The following DMD variants were observed in gnomAD, a reference collection of about 807,000 sequenced individuals.
The protein encoded by DMD is mutant dystrophin.
In DMD, 63 loss-of-function variants were observed where a neutral mutation model predicts 330.1. That is an observed-to-expected ratio of 0.19 (90% CI 0.16 to 0.24). The LOEUF is 0.24. Ranked by LOEUF, DMD falls within the 10% of genes least tolerant of loss-of-function variation. The probability of loss-of-function intolerance (pLI) is 1.00; values close to 1 mark genes in which losing one functional copy is unlikely to be tolerated. For synonymous variants in DMD, 1,223 were observed against 959.8 expected (o/e 1.27, Z -5.07); for missense variants, 3,344 against 2,684.1 (o/e 1.25, Z -5.43).
At chrX:32,049,177 T>C (rs1349692524) in intron 44 of DMD, among the ~76,000 whole-genome samples, 2 of 111,271 alleles carry the variant, frequency 1.8e-5, no homozygotes, top group Non-Finnish European at 3.8e-5. Context: ...CAAGGTCTAA[T>C]TGAGATTTGA....
chrX:31,417,309 T>C (rs2061923001), intron 60 of DMD, among the ~76,000 whole-genome samples: 1 of 111,230 alleles, frequency 9.0e-6, no homozygotes, highest in Non-Finnish European at 1.9e-5. Flanking sequence ...TCTTTTTTTT[T>C]TGAGACGGAG....
intron 44 of DMD, among the ~76,000 whole-genome samples, chrX:32,028,782 C>A (rs2095864063): frequency 9.0e-6 from 1 of 110,885 alleles, no homozygotes; most frequent in African/African-American, 3.3e-5. Context: ...AATGCGGCAT[C>A]ATAAGCAAGT....
intron 7 of DMD, among the ~76,000 whole-genome samples, chrX:32,754,116 T>C (rs2071177488): frequency 8.9e-6 from 1 of 111,888 alleles, no homozygotes; most frequent in Non-Finnish European, 1.9e-5. Context: ...CTAATTATAA[T>C]AAAACAATAT....
At chrX:31,237,789 G>A (rs1312582665) in intron 63 of DMD, among the ~76,000 whole-genome samples, 1 of 110,975 alleles carries the variant, frequency 9.0e-6, no homozygotes, top group African/African-American at 3.3e-5. Context: ...GCATGATCTC[G>A]GCTCACTGCA....
intron 45 of DMD, among the ~76,000 whole-genome samples, chrX:31,950,220 T>A (rs2095142568): frequency 8.9e-6 from 1 of 111,802 alleles, no homozygotes; most frequent in African/African-American, 3.2e-5. Context: ...GTTCAAAATA[T>A]TTTATAATTT....
chrX:31,190,273 G>T (rs1160986927), intron 67 of DMD, among the ~76,000 whole-genome samples: 1 of 111,379 alleles, frequency 9.0e-6, no homozygotes, highest in African/African-American at 3.3e-5. Context: ...GGTAAAAACA[G>T]AAGTTTACAT....
intron 34 of DMD, among the ~76,000 whole-genome samples, chrX:32,374,234 T>A (rs2097892043): frequency 9.0e-6 from 1 of 111,680 alleles, no homozygotes; most frequent in African/African-American, 3.3e-5. Context: ...TTTGCAAATA[T>A]TTTCTCCCAT....
chrX:32,963,465 A>T (rs770087041), intron 2 of DMD, among the ~76,000 whole-genome samples: 1 of 112,387 alleles, frequency 8.9e-6, no homozygotes, highest in South Asian at 3.7e-4. Flanking sequence ...ATCTCTGGTC[A>T]GATTGAAAAT....
intron 41 of DMD, among the ~76,000 whole-genome samples, chrX:32,311,883 C>T (rs573243598): frequency 9.8e-5 from 11 of 111,720 alleles, no homozygotes; most frequent in East Asian, 8.5e-4. Flanking sequence ...GTGTTTTGCA[C>T]GCATTACATT....
chrX:31,972,446 A>G (rs2095406720), intron 44 of DMD, among the ~76,000 whole-genome samples: 1 of 112,032 alleles, frequency 8.9e-6, no homozygotes, highest in Non-Finnish European at 1.9e-5. Context: ...ACTGCATGAA[A>G]ACACAATAGA....
chrX:33,152,946 A>C (rs1483064636), intron 1 of DMD, among the ~76,000 whole-genome samples: 1 of 112,646 alleles, frequency 8.9e-6, no homozygotes, highest in Admixed American at 9.4e-5. Context: ...AGAAGGCAAT[A>C]CATTTTAAAA....
chrX:31,983,298 CT>C (rs78372492), intron 44 of DMD, among the ~76,000 whole-genome samples: 4 of 108,558 alleles, frequency 3.7e-5, no homozygotes, highest in Non-Finnish European at 5.8e-5. Flanking sequence ...TATATACTTA[CT>C]TTTTTTTTCC....
intron 61 of DMD, among the ~76,000 whole-genome samples, chrX:31,343,582 AGT>A (rs56312485): frequency 0.013 from 1,131 of 87,620 alleles, 20 homozygotes; most frequent in African/African-American, 0.043. Context: ...TCCAAAGGGG[AGT>A]GTGTGTGTGT....
chrX:31,842,790 C>CA (rs2093342074), intron 48 of DMD, among the ~76,000 whole-genome samples: 1 of 111,531 alleles, frequency 9.0e-6, no homozygotes, highest in African/African-American at 3.3e-5. Flanking sequence ...TTGGGTGATA[C>CA]TGAGGTTTGG....
intron 44 of DMD, among the ~76,000 whole-genome samples, chrX:32,083,346 C>T (rs1053685370): frequency 1.8e-5 from 2 of 109,011 alleles, no homozygotes; most frequent in African/African-American, 6.7e-5. Flanking sequence ...AGGATCTCGG[C>T]TACCGGGTTC....
At chrX:32,756,202 C>A (rs2071483781) in intron 7 of DMD, 2 of 111,912 alleles carry the variant, frequency 1.8e-5, no homozygotes, top group Admixed American at 9.5e-5. Context: ...GAAATTCAGT[C>A]CTGAACAGAC....
chrX:32,627,315 A>G (rs1434656575), intron 11 of DMD, among the ~76,000 whole-genome samples: 1 of 103,748 alleles, frequency 9.6e-6, no homozygotes, highest in Non-Finnish European at 1.9e-5. Flanking sequence ...ATGCACAAAC[A>G]TGCGTTTACT....
chrX:31,930,911 T>G (rs2094844864), intron 46 of DMD, among the ~76,000 whole-genome samples: 1 of 112,624 alleles, frequency 8.9e-6, no homozygotes. Context: ...TCCCACTCTT[T>G]TCTATTTTTG....
intron 7 of DMD, among the ~76,000 whole-genome samples, chrX:32,707,230 T>A (rs1160843193): frequency 8.0e-5 from 9 of 112,523 alleles, no homozygotes; most frequent in African/African-American, 2.9e-4. Context: ...CCCAGAGATA[T>A]GTTCTCATGA....
Sources: gnomAD v4.1 joint callset for allele counts (sites outside exome capture counted in the v4.1 genomes callset) on GRCh38, gnomAD v4.1.1 for gene constraint, MANE v1.5 for transcripts, NCBI Gene and HGNC (gene_info 2026-07-23, HGNC 2026-07-21) for gene names.